Variants in PTPRZ1 observed in about 807,000 individuals in gnomAD.
The protein encoded by PTPRZ1 is protein tyrosine phosphatase receptor type Z1, also known as receptor-type tyrosine-protein phosphatase zeta.
Under a neutral mutation model 214.1 loss-of-function variants are expected in PTPRZ1, and 82 were observed. The observed-to-expected ratio is 0.38, with a 90% CI of 0.32 to 0.46. The LOEUF is 0.46. Among genes scored for constraint, PTPRZ1 ranks in the 20% least tolerant of loss-of-function variants. PTPRZ1 has a pLI of 1.00. For synonymous variants in PTPRZ1, 945 were observed against 987.9 expected, an observed-to-expected ratio of 0.96 and a Z score of 0.81; for missense variants, 2,603 against 2,748.7, an observed-to-expected ratio of 0.95 and a Z score of 1.19.
At chr7:122,000,992 A>C (rs1406220910) in intron 10 of PTPRZ1, among the ~76,000 whole-genome samples, 1 of 151,866 alleles carries the variant, frequency 6.6e-6, no homozygotes. Context: ...CCAGATTTCA[A>C]ATATTTAAAT....
intron 1 of PTPRZ1, among the ~76,000 whole-genome samples, chr7:121,875,510 G>A (rs1185473874): frequency 1.3e-5 from 2 of 152,122 alleles, no homozygotes; most frequent in African/African-American, 4.8e-5. Context: ...CAGTTTGTTG[G>A]ACATTTTCTT....
At chr7:122,019,021 A>T in intron 12 of PTPRZ1, 103 bp from the exon 13 acceptor site, 1 of 1,122,180 alleles carries the variant, frequency 8.9e-7, no homozygotes, top group Non-Finnish European at 1.2e-6. Flanking sequence ...TCAAAATTTT[A>T]AAGGTAAGTA....
intron 2 of PTPRZ1, among the ~76,000 whole-genome samples, chr7:121,944,711 C>T (rs562478781): frequency 6.6e-6 from 1 of 152,058 alleles, no homozygotes; most frequent in East Asian, 1.9e-4. Flanking sequence ...GGGGTGATCT[C>T]AGCTCACTGC....
chr7:121,949,436 A>G (rs926722445), intron 2 of PTPRZ1, among the ~76,000 whole-genome samples: 2 of 152,190 alleles, frequency 1.3e-5, no homozygotes, highest in African/African-American at 4.8e-5. Context: ...GATAAAGTTG[A>G]AGGCATGTTT....
rs1388597391 is a variant in PTPRZ1, at chr7:122,012,978, T to C, written c.3932T>C (p.Val1311Ala). 1 of 1,613,996 alleles carries C rather than the reference T, an allele frequency of 6.2e-7. No individual in the cohort carries two copies. Among genetic ancestry groups the C allele is most frequent in the African/African-American group, 1.3e-5 (1 of 74,922 alleles). ...GCCCATCCCCCAAAAGGAAGGCATG[T>C]ATTTGCTACACCTGTTTTATCAATT... ...NQAHPPKGRH[V>A]FATPVLSIDE... The change falls in exon 12 of 30, where the codon GTA becomes GCA. Residue 1311 changes from valine to alanine, a missense_variant. Coordinates refer to ENST00000393386, the MANE Select transcript of PTPRZ1 (RefSeq NM_002851.3).
In PTPRZ1 at chr7:122,051,938, T is replaced by C. The variant is rs1473084195; in HGVS notation, c.6251T>C (p.Met2084Thr). The change falls in exon 25 of 30, where the codon ATG becomes ACG. Residue 2084 changes from methionine to threonine, a missense_variant and splice_region_variant. Met to Thr is a moderately conservative substitution (Grantham distance 81). Around this residue, in one of 6 missense-constraint regions of PTPRZ1, gnomAD observed 134 missense variants for 183.3 expected, o/e 0.73. Coordinates refer to ENST00000393386, the MANE Select transcript of PTPRZ1 (RefSeq NM_002851.3). ...GTDYINASYI[M>T]GYYQSNEFII... ...GACTACATCAATGCCTCCTATATCA[T>C]GGTAAGTCAGAGAAGTCACTGAGGA... is the stretch of plus-strand genomic sequence containing the variant. The C allele has an allele frequency of 1.9e-6, 3 of 1,598,998 alleles. No homozygotes were observed. Among genetic ancestry groups the C allele is most frequent in the African/African-American group, 1.4e-5 (1 of 73,696 alleles).
rs921530517 is a variant in PTPRZ1, at chr7:121,929,765, G to A, written c.124+1544G>A. 1.7e-4 allele frequency among the ~76,000 whole-genome samples: 26 copies of A among 151,078 alleles called. No individual in the cohort carries two copies. The East Asian group carries it at 3.3e-3, about 19-fold the overall frequency. ...GGAGGTTGCAGTGAGCCGAGATCAC[G>A]CCACTGCACTCCAGCCTGGGTGACA... On this transcript the variant is annotated intron_variant, in intron 2 of 29. Transcript: ENST00000393386.
intron 1 of PTPRZ1, chr7:121,908,460 CT>C: frequency 2.6e-6 from 1 of 383,850 alleles, no homozygotes; most frequent in Non-Finnish European, 5.0e-6. Context: ...TTTTATATTC[CT>C]TTTTGTTTGT....
intron 10 of PTPRZ1, among the ~76,000 whole-genome samples, chr7:121,998,724 G>T (rs1005006803): frequency 3.3e-5 from 5 of 152,044 alleles, no homozygotes; most frequent in African/African-American, 1.2e-4. Flanking sequence ...AGTGTAAGCA[G>T]TTTTAAATAA....
At chr7:122,021,768 G>T (rs534074748) in intron 13 of PTPRZ1, among the ~76,000 whole-genome samples, 136 of 152,086 alleles carry the variant, frequency 8.9e-4, no homozygotes, top group African/African-American at 3.2e-3. Flanking sequence ...ATGGTTTTAT[G>T]TATATGTTTT....
intron 11 of PTPRZ1, among the ~76,000 whole-genome samples, chr7:122,007,252 G>A (rs1390530044): frequency 2.0e-5 from 3 of 152,062 alleles, no homozygotes; most frequent in African/African-American, 7.2e-5. Flanking sequence ...TGGTTTGTGG[G>A]GCTTTACCCA....
chr7:121,960,600 T>C (rs1366980130), intron 2 of PTPRZ1, among the ~76,000 whole-genome samples: 1 of 152,186 alleles, frequency 6.6e-6, no homozygotes, highest in Admixed American at 6.5e-5. Context: ...ATTTTTCCAT[T>C]AATCTGATAT....
At chr7:122,014,829 GTCTT>G (rs1462643321) in intron 12 of PTPRZ1, among the ~76,000 whole-genome samples, 4 of 152,018 alleles carry the variant, frequency 2.6e-5, no homozygotes, top group South Asian at 2.1e-4. Flanking sequence ...TAATTTTTTT[GTCTT>G]TCTTTATCTT....
Position 121,902,982 on chromosome 7 carries a change from C to G in PTPRZ1, c.59-25174C>G, listed in dbSNP as rs141632527. Among the ~76,000 whole-genome samples, 284 of 151,726 alleles carry G rather than the reference C, an allele frequency of 1.9e-3. 6 individuals carry two copies. In the East Asian group the frequency reaches 0.043, roughly 23 times the overall value. On this transcript the variant is annotated intron_variant, in intron 1 of 29. Transcript: ENST00000393386. ...GTAGGAGAAAGAAAAAAAAAATAAA[C>G]AGAGATAACAGCTGTCTACCACAAA...
chr7:121,965,476 C>T (rs1797021376), intron 2 of PTPRZ1, among the ~76,000 whole-genome samples: 2 of 152,140 alleles, frequency 1.3e-5, no homozygotes. Flanking sequence ...TAGCCACACG[C>T]CAGCTCACAA....
chr7:121,996,795 T>C (rs560188013), intron 9 of PTPRZ1, among the ~76,000 whole-genome samples: 1 of 152,322 alleles, frequency 6.6e-6, no homozygotes, highest in East Asian at 1.9e-4. Flanking sequence ...TTGCCAACAA[T>C]AACACTATAG....
intron 1 of PTPRZ1, among the ~76,000 whole-genome samples, chr7:121,924,222 A>G (rs1795685681): frequency 6.6e-6 from 1 of 152,146 alleles, no homozygotes; most frequent in African/African-American, 2.4e-5. Context: ...AAAAAATTCT[A>G]TATTTCATTA....
chr7:122,019,349 C>T, intron 13 of PTPRZ1, 81 bp downstream of exon 13: 1 of 1,371,528 alleles, frequency 7.3e-7, no homozygotes, highest in Non-Finnish European at 1.0e-6. Flanking sequence ...GTCTTCAAAG[C>T]ATATTCAAAA....
chr7:122,057,818 C>A (rs994864263), intron 27 of PTPRZ1, among the ~76,000 whole-genome samples: 2 of 151,586 alleles, frequency 1.3e-5, no homozygotes, highest in Non-Finnish European at 3.0e-5. Flanking sequence ...GTTTTCCAAA[C>A]GTACCACCTG....
Sources: allele counts gnomAD v4.1 joint callset (sites outside exome capture counted in the v4.1 genomes callset), GRCh38; gene constraint gnomAD v4.1.1; regional missense constraint gnomAD v4.1.1; transcripts MANE v1.5; gene names NCBI Gene and HGNC (gene_info 2026-07-23, HGNC 2026-07-21).